Variants in GRIK2 observed in about 807,000 individuals in gnomAD.
GRIK2 encodes the protein glutamate ionotropic receptor kainate type subunit 2.
Under a neutral mutation model 100.3 loss-of-function variants are expected in GRIK2, and 32 were observed. The observed-to-expected ratio is 0.32, with a 90% CI of 0.24 to 0.43. The LOEUF is 0.43. GRIK2 is among the 20% of genes least tolerant of loss of function. The pLI, the probability that GRIK2 is intolerant of heterozygous loss-of-function variation, is 1.00. For synonymous variants in GRIK2, 417 were observed against 389.4 expected (o/e 1.07, Z -0.83); for missense variants, 843 against 1,114.9 (o/e 0.76, Z 3.47).
chr6:101,814,953 A>G (rs1781547508), intron 9 of GRIK2, among the ~76,000 whole-genome samples: 1 of 152,210 alleles, frequency 6.6e-6, no homozygotes, highest in Non-Finnish European at 1.5e-5. Flanking sequence ...ATTTAATCAC[A>G]CTATGTTGAA....
At chr6:101,548,233 T>C (rs1477239979) in intron 2 of GRIK2, among the ~76,000 whole-genome samples, 1 of 152,214 alleles carries the variant, frequency 6.6e-6, no homozygotes, top group Non-Finnish European at 1.5e-5. Context: ...CTTTATCAGA[T>C]GAGTAGATTG....
chr6:101,595,056 A>T (rs1778846634), intron 2 of GRIK2, among the ~76,000 whole-genome samples: 1 of 151,672 alleles, frequency 6.6e-6, no homozygotes. Context: ...GTACCGAGAA[A>T]CCTCAAGTAG....
intron 16 of GRIK2, among the ~76,000 whole-genome samples, chr6:102,057,584 A>G (rs1409291143): frequency 6.6e-6 from 1 of 151,982 alleles, no homozygotes; most frequent in African/African-American, 2.4e-5. Context: ...ACTAGAAAGA[A>G]ATAACTGAGT....
At chr6:101,834,990 G>A (rs886208611) in intron 10 of GRIK2, among the ~76,000 whole-genome samples, 1 of 152,108 alleles carries the variant, frequency 6.6e-6, no homozygotes, top group Non-Finnish European at 1.5e-5. Context: ...GTGACATAGT[G>A]AGACCCTGTC....
chr6:102,022,148 A>ACACT (rs1418193040), intron 14 of GRIK2, among the ~76,000 whole-genome samples: 20 of 134,372 alleles, frequency 1.5e-4, no homozygotes, highest in East Asian at 1.4e-3. Flanking sequence ...ACACATACAC[A>ACACT]CACACACACA....
chr6:101,592,502 C>CTGACA (rs1168020895), intron 2 of GRIK2, among the ~76,000 whole-genome samples: 1 of 149,576 alleles, frequency 6.7e-6, no homozygotes, highest in Non-Finnish European at 1.5e-5. Context: ...GGAAGACCAG[C>CTGACA]TGACAACATT....
At chr6:101,636,173 A>T (rs1198617327) in intron 4 of GRIK2, among the ~76,000 whole-genome samples, 1 of 152,182 alleles carries the variant, frequency 6.6e-6, no homozygotes, top group East Asian at 1.9e-4. Context: ...GCAGCCATAA[A>T]AAAAAGGATG....
rs367576458 is a variant in GRIK2, at chr6:101,485,151, A to G, written c.115+85759A>G. On this transcript the variant is annotated intron_variant, in intron 2 of 16. Coordinates refer to ENST00000369134, the MANE Select transcript of GRIK2 (RefSeq NM_021956.5). ...ATACTAAATCCTATATCTTACTCCA[A>G]ATGATGTAAACTAGTTATATATTTA... Among the ~76,000 whole-genome samples, 8 of 152,194 alleles carry G rather than the reference A, an allele frequency of 5.3e-5. No homozygotes were observed. The East Asian group carries it at 7.7e-4, about 15-fold the overall frequency.
chr6:101,748,722 GT>G (rs1036442066), intron 7 of GRIK2, among the ~76,000 whole-genome samples: 1 of 152,056 alleles, frequency 6.6e-6, no homozygotes, highest in African/African-American at 2.4e-5. Context: ...CAGGACAATT[GT>G]CTCCAGCAGT....
At chr6:101,886,978 A>C (rs1786687524) in intron 11 of GRIK2, among the ~76,000 whole-genome samples, 1 of 148,448 alleles carries the variant, frequency 6.7e-6, no homozygotes, top group Non-Finnish European at 1.5e-5. Context: ...GGCGTGTGCC[A>C]CCACACCTGG....
chr6:101,503,844 G>A (rs563316993), intron 2 of GRIK2, among the ~76,000 whole-genome samples: 8 of 152,052 alleles, frequency 5.3e-5, no homozygotes, highest in African/African-American at 1.2e-4. Flanking sequence ...TAGAACACTA[G>A]GATAGATTGT....
At chr6:101,478,506 G>GTTTTT (rs5878666) in intron 2 of GRIK2, among the ~76,000 whole-genome samples, 5 of 119,576 alleles carry the variant, frequency 4.2e-5, no homozygotes, top group Admixed American at 1.8e-4. Context: ...TTCTGTTTTG[G>GTTTTT]TTTTTTTTTT....
intron 7 of GRIK2, among the ~76,000 whole-genome samples, chr6:101,770,698 T>C (rs113139977): frequency 6.6e-6 from 1 of 152,192 alleles, no homozygotes; most frequent in Non-Finnish European, 1.5e-5. Context: ...TTCTTATTAG[T>C]GTTCACAGCA....
At chr6:101,546,355 A>T (rs1431568377) in intron 2 of GRIK2, among the ~76,000 whole-genome samples, 1 of 152,138 alleles carries the variant, frequency 6.6e-6, no homozygotes, top group Non-Finnish European at 1.5e-5. Context: ...TTAACCTGAT[A>T]CCTTTATGTT....
At chr6:101,680,757 A>G (rs1208342535) in intron 5 of GRIK2, among the ~76,000 whole-genome samples, 1 of 152,214 alleles carries the variant, frequency 6.6e-6, no homozygotes, top group Non-Finnish European at 1.5e-5. Flanking sequence ...CCATCTGAAC[A>G]TATCCATCAG....
intron 10 of GRIK2, among the ~76,000 whole-genome samples, chr6:101,828,500 A>T (rs1052995111): frequency 2.0e-5 from 3 of 151,888 alleles, no homozygotes; most frequent in African/African-American, 7.2e-5. Context: ...CTTCGAAAGG[A>T]TAACAACATT....
intron 2 of GRIK2, among the ~76,000 whole-genome samples, chr6:101,558,095 A>G (rs928206038): frequency 7.2e-5 from 11 of 152,160 alleles, no homozygotes; most frequent in Admixed American, 5.2e-4. Context: ...CCACAGCACT[A>G]AAGTGCAATT....
At chr6:102,056,853 T>C (rs1035613098) in intron 16 of GRIK2, among the ~76,000 whole-genome samples, 1 of 152,006 alleles carries the variant, frequency 6.6e-6, no homozygotes, top group Non-Finnish European at 1.5e-5. Flanking sequence ...TAAATGTATA[T>C]TTTTATAACC....
chr6:101,548,005 T>C (rs1461815286), intron 2 of GRIK2, among the ~76,000 whole-genome samples: 3 of 152,080 alleles, frequency 2.0e-5, no homozygotes, highest in African/African-American at 7.2e-5. Flanking sequence ...TTTGAATGAT[T>C]GCCATTCTAA....
Sources: allele counts gnomAD v4.1 joint callset (sites outside exome capture counted in the v4.1 genomes callset), GRCh38; gene constraint gnomAD v4.1.1; transcripts MANE v1.5; gene names NCBI Gene and HGNC (gene_info 2026-07-23, HGNC 2026-07-21).